ZNF654: variants seen among roughly 807,000 people sequenced by gnomAD.
ZNF654 encodes the protein melanoma-associated antigen.
In ZNF654, 19 loss-of-function variants were observed where a neutral mutation model predicts 95.3. The ratio of observed to expected loss-of-function variants is 0.20; its 90% CI spans 0.14 to 0.29. ZNF654 has a LOEUF of 0.29. ZNF654 is among the 10% of genes least tolerant of loss of function. The pLI is 1.00. For missense variants in ZNF654, 1,046 were observed against 1,341.0 expected (o/e 0.78, Z 3.44); for synonymous variants, 413 against 457.9 (o/e 0.90, Z 1.25).
Position 88,129,013 on chromosome 3 carries a change from T to C in ZNF654, c.753+2T>C. 1 of 1,529,038 alleles carries C rather than the reference T, an allele frequency of 6.5e-7. No homozygotes were observed. Among genetic ancestry groups the C allele is most frequent in the African/African-American group, 1.4e-5 (1 of 72,754 alleles). 94.7% of individuals were successfully genotyped at this position (1,529,038 alleles called of 1,614,324 possible). ...GTAGAAGATCAGCTATTCCGGGAGG[T>C]ATTGTTTGAGACTATTTTTGCCTAT... On this transcript the variant is annotated splice_donor_variant, in intron 5 of 8. Transcript: ENST00000636215. LOFTEE classifies it high-confidence loss of function.
intron 3 of ZNF654, among the ~76,000 whole-genome samples, chr3:88,113,542 A>G (rs1008687389): frequency 2.0e-5 from 3 of 152,054 alleles, no homozygotes; most frequent in Non-Finnish European, 4.4e-5. Flanking sequence ...CCTTGGCTGT[A>G]CCTTGATTTT....
chr3:88,102,723 C>T (rs1159174170), intron 2 of ZNF654, among the ~76,000 whole-genome samples: 3 of 151,376 alleles, frequency 2.0e-5, no homozygotes, highest in African/African-American at 2.4e-5. Context: ...AACTTCTAAC[C>T]GGTTTTACTC....
At chr3:88,099,790 G>A (rs562894892) in intron 2 of ZNF654, among the ~76,000 whole-genome samples, 2 of 152,204 alleles carry the variant, frequency 1.3e-5, no homozygotes, top group South Asian at 4.2e-4. Flanking sequence ...GCTGAAAATG[G>A]GTCCCTTCCT....
chr3:88,110,125 C>G (rs963750110), intron 2 of ZNF654, among the ~76,000 whole-genome samples: 6 of 152,100 alleles, frequency 3.9e-5, no homozygotes, highest in African/African-American at 1.2e-4. Flanking sequence ...TACCTATGCA[C>G]TAAGTGCCAG....
At chr3:88,133,166 A>G (rs1317571078) in intron 6 of ZNF654, among the ~76,000 whole-genome samples, 2 of 152,098 alleles carry the variant, frequency 1.3e-5, no homozygotes, top group Non-Finnish European at 2.9e-5. Flanking sequence ...CTGAATTAAT[A>G]TCTGAAGGGG....
chr3:88,069,420 T>C (rs1349863319), intron 1 of ZNF654, among the ~76,000 whole-genome samples: 4 of 151,902 alleles, frequency 2.6e-5, no homozygotes, highest in African/African-American at 9.7e-5. Flanking sequence ...AGACTCTGTT[T>C]CAAAAAAAAA....
chr3:88,099,905 T>G (rs545860425), intron 2 of ZNF654, among the ~76,000 whole-genome samples: 1 of 152,202 alleles, frequency 6.6e-6, no homozygotes, highest in Non-Finnish European at 1.5e-5. Flanking sequence ...ATTGAGGACA[T>G]AGGCATGGGC....
intron 1 of ZNF654, among the ~76,000 whole-genome samples, chr3:88,068,509 A>C (rs917718709): frequency 3.3e-5 from 5 of 152,162 alleles, no homozygotes; most frequent in Non-Finnish European, 5.9e-5. Context: ...CTACAACTAG[A>C]GTTTATTGAC....
At chr3:88,061,293 T>G (rs201023440) in intron 1 of ZNF654, among the ~76,000 whole-genome samples, 1 of 152,290 alleles carries the variant, frequency 6.6e-6, no homozygotes, top group East Asian at 1.9e-4. Flanking sequence ...AATGACAAAT[T>G]TAGCCTGCAA....
chr3:88,125,542 A>T (rs567343819), intron 3 of ZNF654, among the ~76,000 whole-genome samples: 2 of 152,268 alleles, frequency 1.3e-5, no homozygotes, highest in East Asian at 3.9e-4. Context: ...TTACTTATTT[A>T]TAGATTTATT....
At chr3:88,069,079 GA>G (rs1404778704) in intron 1 of ZNF654, among the ~76,000 whole-genome samples, 1 of 152,118 alleles carries the variant, frequency 6.6e-6, no homozygotes, top group Non-Finnish European at 1.5e-5. Flanking sequence ...TCATAAATGT[GA>G]AACAGAAGAA....
At chr3:88,072,348 G>T (rs1707562053) in intron 1 of ZNF654, among the ~76,000 whole-genome samples, 1 of 152,090 alleles carries the variant, frequency 6.6e-6, no homozygotes, top group Admixed American at 6.5e-5. Flanking sequence ...GTATGAGTGA[G>T]GCCTCTTCCA....
In ZNF654 at chr3:88,140,406, T is replaced by G; in HGVS notation, c.2737T>G (p.Ser913Ala). The change falls in exon 8 of 9, where the codon TCT (serine) becomes GCT (alanine). Residue 913 changes from serine (S) to alanine (A), a missense_variant. Coordinates refer to ENST00000636215, the MANE Select transcript of ZNF654 (RefSeq NM_001350134.2). ...NEKQTISLPV[S>A]TSKSRKESTE... Reference sequence around the variant, plus strand: ...GAAACAAACTATTAGTCTGCCAGTTTCTACTAGCAAATCAAGGAAAGAGTC... The same window carrying G: ...GAAACAAACTATTAGTCTGCCAGTTGCTACTAGCAAATCAAGGAAAGAGTC... The G allele has an allele frequency of 6.2e-7, 1 of 1,613,208 alleles. No homozygotes were observed. Among genetic ancestry groups the G allele is most frequent in the Non-Finnish European group, 8.5e-7 (1 of 1,179,520 alleles).
At chr3:88,097,363 T>G (rs895829115) in intron 2 of ZNF654, among the ~76,000 whole-genome samples, 3 of 137,784 alleles carry the variant, frequency 2.2e-5, no homozygotes, top group Non-Finnish European at 3.2e-5. Context: ...TTGTCAACAG[T>G]TTTTTTTTTT....
intron 1 of ZNF654, among the ~76,000 whole-genome samples, chr3:88,085,316 A>G (rs1451176921): frequency 6.6e-6 from 1 of 152,232 alleles, no homozygotes; most frequent in Non-Finnish European, 1.5e-5. Flanking sequence ...GTAGCAGGAA[A>G]GCAGCCACAG....
chr3:88,083,254 T>A (rs1708173847), intron 1 of ZNF654, among the ~76,000 whole-genome samples: 1 of 152,224 alleles, frequency 6.6e-6, no homozygotes, highest in African/African-American at 2.4e-5. Context: ...AGATGATATA[T>A]TTTAGTGTTC....
chr3:88,071,953 T>C (rs1417816258), intron 1 of ZNF654, among the ~76,000 whole-genome samples: 1 of 152,222 alleles, frequency 6.6e-6, no homozygotes, highest in East Asian at 1.9e-4. Flanking sequence ...GCTCATAAAA[T>C]GCTGTATTTT....
At chr3:88,091,511 T>C (rs1418445122) in intron 2 of ZNF654, among the ~76,000 whole-genome samples, 1 of 152,184 alleles carries the variant, frequency 6.6e-6, no homozygotes, top group Non-Finnish European at 1.5e-5. Flanking sequence ...TATGTGAAAA[T>C]TCTTATACAA....
chr3:88,124,026 C>G (rs1214399348), intron 3 of ZNF654, among the ~76,000 whole-genome samples: 1 of 152,116 alleles, frequency 6.6e-6, no homozygotes, highest in Non-Finnish European at 1.5e-5. Context: ...ATATTTACCC[C>G]ATATTTAATG....
Sources: gnomAD v4.1 joint callset for allele counts (sites outside exome capture counted in the v4.1 genomes callset) on GRCh38, gnomAD v4.1.1 for gene constraint, MANE v1.5 for transcripts, NCBI Gene and HGNC (gene_info 2026-07-23, HGNC 2026-07-21) for gene names.